TPST2: variants seen among roughly 807,000 people sequenced by gnomAD.
TPST2 encodes protein-tyrosine sulfotransferase 2.
A neutral mutation model predicts 27.8 loss-of-function variants in TPST2; 16 were observed. The ratio of observed to expected loss-of-function variants is 0.58; its 90% CI spans 0.39 to 0.88. The LOEUF (loss-of-function observed/expected upper bound fraction) is 0.88, where lower values mean the gene tolerates loss of function less well. TPST2 is among the 40% of genes least tolerant of loss of function. The pLI is 0.00. For synonymous variants in TPST2, 229 were observed against 231.7 expected, an observed-to-expected ratio of 0.99 and a Z score of 0.10; for missense variants, 464 against 543.1, an observed-to-expected ratio of 0.85 and a Z score of 1.45.
Position 26,580,502 on chromosome 22 carries a change from A to G in TPST2, c.-161+9551T>C, listed in dbSNP as rs143097030. Among the ~76,000 whole-genome samples the G allele has an allele frequency of 3.5e-3, 529 of 152,286 alleles. 9 individuals carry two copies. Among genetic ancestry groups the G allele is most frequent in the African/African-American group, 0.012 (501 of 41,550 alleles). On this transcript the variant is annotated intron_variant, in intron 1 of 6. Coordinates refer to ENST00000338754, the MANE Select transcript of TPST2 (RefSeq NM_003595.5). ...CCTGTTGTGGGGCTCTCCAAATTCC[A>G]AGCTTCTGAACACTACCTTCCCAAT...
chr22:26,533,944 G>C (rs77332738), intron 4 of TPST2, among the ~76,000 whole-genome samples: 1 of 152,016 alleles, frequency 6.6e-6, no homozygotes, highest in South Asian at 2.1e-4. Flanking sequence ...AAAAGTGCTA[G>C]GATTATAGAC....
chr22:26,541,525 C>G lies in TPST2; in HGVS notation c.106G>C (p.Ala36Pro). ...GCCCCCCGGGGGCTCCGCAGGCCCG[C>G]CAGCACCGCCCGGCACTCTAGCACC... ...QQVLECRAVL[A>P]GLRSPRGAMR... is the part of the protein sequence containing the mutation. The change falls in exon 3 of 7, where the codon GCG becomes CCG. Residue 36 changes from alanine (A) to proline (P), a missense_variant. Transcript: ENST00000338754. This position sits in a 1 kb window ranked among gnomAD's most constrained non-coding sequence, Gnocchi z 5.9. The G allele has an allele frequency of 6.2e-7, 1 of 1,611,884 alleles. No individual in the cohort carries two copies. Among genetic ancestry groups the G allele is most frequent in the African/African-American group, 1.3e-5 (1 of 75,034 alleles).
chr22:26,585,992 G>A (rs1484250032), intron 1 of TPST2, among the ~76,000 whole-genome samples: 3 of 152,036 alleles, frequency 2.0e-5, no homozygotes, highest in Non-Finnish European at 4.4e-5. Context: ...GGAGTGAGCC[G>A]AGATCACGCC....
chr22:26,573,153 C>T (rs1458418288), intron 1 of TPST2, among the ~76,000 whole-genome samples: 1 of 152,220 alleles, frequency 6.6e-6, no homozygotes, highest in African/African-American at 2.4e-5. Context: ...CCCACCTCAG[C>T]CCCTCGAGTA....
At position 26,533,461 on chromosome 22, in the gene TPST2, T is replaced by A. The variant is rs191171485; in HGVS notation, c.1042-716A>T. Among the ~76,000 whole-genome samples, 383 of 151,980 alleles carry A rather than the reference T, an allele frequency of 2.5e-3. 3 individuals are homozygous for A. Among genetic ancestry groups the A allele is most frequent in the Non-Finnish European group, 2.9e-3 (198 of 67,958 alleles). On this transcript the variant is annotated intron_variant, in intron 4 of 6. Transcript: ENST00000338754. ...TAAAAATAAAAAGGGCCTCTTGAAATAGATAACCTTTGAGCTGAGACCCAA... is the reference window on the plus strand; with the variant it reads ...TAAAAATAAAAAGGGCCTCTTGAAAAAGATAACCTTTGAGCTGAGACCCAA...
rs368658555 is a variant in TPST2 at position 26,561,173 on chromosome 22, C to T, written c.-160-16498G>A. Reference sequence around the variant, plus strand: ...AAGATGATGAATAAGTTGGTTCTAGCGCAGTTTTTTTTTTCTTGTCTATAA... The same window carrying T: ...AAGATGATGAATAAGTTGGTTCTAGTGCAGTTTTTTTTTTCTTGTCTATAA... On this transcript the variant is annotated intron_variant, in intron 1 of 6. Coordinates refer to ENST00000338754, the MANE Select transcript of TPST2 (RefSeq NM_003595.5). 6.3e-4 allele frequency: 995 copies of T among 1,580,950 alleles called. 12 individuals are homozygous for T. The South Asian group carries it at 0.011, about 17-fold the overall frequency.
intron 1 of TPST2, among the ~76,000 whole-genome samples, chr22:26,570,414 A>C (rs1041906385): frequency 2.6e-5 from 4 of 152,164 alleles, no homozygotes; most frequent in Non-Finnish European, 5.9e-5. Context: ...GCTTTTGATC[A>C]GATGCCAAGG....
Position 26,566,957 on chromosome 22 carries a change from A to G in TPST2, c.-160-22282T>C, listed in dbSNP as rs866719607. ...GTGGGGCTGTCCCATGCATTGTAGG[A>G]TGTTTAGCCGCATCCCCGGCCTCTA... On this transcript the variant is annotated intron_variant, in intron 1 of 6. Coordinates refer to ENST00000338754, the MANE Select transcript of TPST2 (RefSeq NM_003595.5). 2.6e-5 allele frequency among the ~76,000 whole-genome samples: 4 copies of G among 152,190 alleles called. No homozygotes were observed. In the South Asian group the frequency reaches 8.3e-4, roughly 32 times the overall value.
intron 1 of TPST2, among the ~76,000 whole-genome samples, chr22:26,566,552 A>AC (rs2147225844): frequency 6.6e-6 from 1 of 150,744 alleles, no homozygotes; most frequent in Non-Finnish European, 1.5e-5. Flanking sequence ...ACTCTGTCTC[A>AC]AAAAAAAAGA....
chr22:26,584,297 C>T (rs961130763), intron 1 of TPST2, among the ~76,000 whole-genome samples: 2 of 151,990 alleles, frequency 1.3e-5, no homozygotes, highest in Admixed American at 6.6e-5. Flanking sequence ...AGGAACAGAG[C>T]GAGTAGGGAG....
At chr22:26,555,012 G>A (rs1023529855) in intron 1 of TPST2, among the ~76,000 whole-genome samples, 2 of 152,212 alleles carry the variant, frequency 1.3e-5, no homozygotes, top group East Asian at 1.9e-4. Context: ...TCCCTTTAGG[G>A]TAGTGGTTAA....
intron 5 of TPST2, among the ~76,000 whole-genome samples, 178 bp from the exon 6 acceptor site, chr22:26,528,440 C>G (rs1924963528): frequency 6.6e-6 from 1 of 152,168 alleles, no homozygotes; most frequent in Non-Finnish European, 1.5e-5. Flanking sequence ...AGACCCAAAC[C>G]TAGGATCACG....
At chr22:26,562,138 A>G (rs9613213) in intron 1 of TPST2, among the ~76,000 whole-genome samples, 59,158 of 152,078 alleles carry the variant, frequency 0.39, 11,767 homozygotes, top group East Asian at 0.52. Flanking sequence ...GGCGGGGGCC[A>G]CAGGGTGGCA....
rs1288801236 is a variant in TPST2, at chr22:26,522,024, A to G, written c.*4251T>C. 2 of 152,182 alleles carry G rather than the reference A, an allele frequency of 1.3e-5. No individual in the cohort carries two copies. The highest frequency in any genetic ancestry group is 4.8e-5 in the African/African-American group (2 of 41,442). The allele number at this position is 152,182 out of a possible 1,614,324, so 9.4% of individuals were successfully genotyped here. A position where few individuals can be genotyped will look rare whatever the true frequency, so the allele number is the denominator to read the frequency against. On this transcript the variant is annotated 3_prime_UTR_variant, in exon 7 of 7. Transcript: ENST00000338754. The stretch of plus-strand genomic sequence containing the variant: ...GTTCATCACAACCTTTTATTTCACA[A>G]TATTAATAGTAATCATTATAGCTAC...
intron 4 of TPST2, among the ~76,000 whole-genome samples, chr22:26,533,284 C>T (rs1925268412): frequency 6.6e-6 from 1 of 152,160 alleles, no homozygotes. Flanking sequence ...TGGTGGCATG[C>T]ACTTATCGTC....
At chr22:26,588,582 G>A (rs1298595978) in intron 1 of TPST2, among the ~76,000 whole-genome samples, 2 of 152,106 alleles carry the variant, frequency 1.3e-5, no homozygotes, top group Admixed American at 6.6e-5. Flanking sequence ...GTTTGCATGA[G>A]ATTTTTAAAA....
At chr22:26,544,797 G>T in intron 1 of TPST2, 122 bp from the exon 2 acceptor site, 1 of 396,078 alleles carries the variant, frequency 2.5e-6, no homozygotes, top group Non-Finnish European at 3.4e-6. Flanking sequence ...TTGGGAGAAG[G>T]ACTCTGGAAT....
chr22:26,529,123 G>C (rs904918521), intron 5 of TPST2, among the ~76,000 whole-genome samples: 1 of 152,068 alleles, frequency 6.6e-6, no homozygotes, highest in African/African-American at 2.4e-5. Context: ...TAGAGGGTTG[G>C]AACTTTTTTT....
intron 5 of TPST2, among the ~76,000 whole-genome samples, chr22:26,529,271 C>A (rs1000582089): frequency 5.9e-5 from 9 of 152,134 alleles, no homozygotes; most frequent in South Asian, 2.1e-4. Context: ...GGACTACAGA[C>A]GTGTGCCACC....
Sources: gnomAD v4.1 joint callset for allele counts (sites outside exome capture counted in the v4.1 genomes callset) on GRCh38, gnomAD v4.1.1 for gene constraint, Gnocchi (gnomAD v3.1) non-coding constraint, MANE v1.5 for transcripts, NCBI Gene and HGNC (gene_info 2026-07-23, HGNC 2026-07-21) for gene names.